Variants in RAD51B observed in about 807,000 individuals in gnomAD.
RAD51B encodes DNA repair protein RAD51 homolog 2.
RAD51B carries 38 observed loss-of-function variants against 42.2 expected under a neutral mutation model. That is an observed-to-expected ratio of 0.90 (90% confidence interval 0.70 to 1.18). The LOEUF is 1.18. RAD51B is among the 50% of genes most tolerant of loss of function. The probability of loss-of-function intolerance (pLI) is 0.00; values close to 1 mark genes in which losing one functional copy is unlikely to be tolerated. For synonymous variants in RAD51B, 154 were observed against 145.2 expected (o/e 1.06, Z -0.43); for missense variants, 373 against 400.7 (o/e 0.93, Z 0.59).
chr14:68,668,920 C>T (rs890418657), intron 11 of RAD51B, among the ~76,000 whole-genome samples: 5 of 152,290 alleles, frequency 3.3e-5, no homozygotes, highest in Middle Eastern at 3.4e-3. Flanking sequence ...TGGGTTTTCC[C>T]GAAAGACCTT....
chr14:68,214,992 G>A (rs2079784306), intron 7 of RAD51B, among the ~76,000 whole-genome samples: 1 of 152,170 alleles, frequency 6.6e-6, no homozygotes, highest in Non-Finnish European at 1.5e-5. Context: ...AGAAGCTGAA[G>A]AACAATTTGT....
chr14:68,659,447 G>A (rs751011902), intron 11 of RAD51B, among the ~76,000 whole-genome samples: 27 of 152,162 alleles, frequency 1.8e-4, no homozygotes, highest in Non-Finnish European at 3.5e-4. Context: ...ATATAAACAA[G>A]AAGCAAAGAA....
intron 7 of RAD51B, among the ~76,000 whole-genome samples, chr14:68,276,183 C>G (rs1023233880): frequency 3.9e-5 from 6 of 152,172 alleles, no homozygotes; most frequent in African/African-American, 1.4e-4. Context: ...CTGAAATACT[C>G]TGCAGATCCA....
chr14:67,958,304 C>T (rs2074591828), intron 7 of RAD51B, among the ~76,000 whole-genome samples: 1 of 152,176 alleles, frequency 6.6e-6, no homozygotes. Flanking sequence ...TTGATTGAAT[C>T]TTCTGATCAC....
chr14:67,848,975 T>G (rs1224343345), intron 4 of RAD51B, among the ~76,000 whole-genome samples: 2 of 152,232 alleles, frequency 1.3e-5, no homozygotes. Context: ...GGGTTCCTTC[T>G]GTCCATGCAT....
chr14:68,574,935 G>T (rs2140047398), intron 10 of RAD51B, among the ~76,000 whole-genome samples: 1 of 152,266 alleles, frequency 6.6e-6, no homozygotes, highest in South Asian at 2.1e-4. Flanking sequence ...AGAGGTTGGG[G>T]ATGAGCAGTC....
intron 7 of RAD51B, among the ~76,000 whole-genome samples, chr14:68,158,131 T>G (rs187844726): frequency 6.6e-6 from 1 of 152,228 alleles, no homozygotes. Context: ...TTTTTTCTTC[T>G]CCCATCCCAA....
chr14:68,257,725 A>C (rs1595616026), intron 7 of RAD51B, among the ~76,000 whole-genome samples: 1 of 152,166 alleles, frequency 6.6e-6, no homozygotes, highest in South Asian at 2.1e-4. Context: ...ATAAAACTCC[A>C]AAGTTTATTA....
chr14:68,370,511 T>C (rs2083231944), intron 8 of RAD51B, among the ~76,000 whole-genome samples: 1 of 152,166 alleles, frequency 6.6e-6, no homozygotes, highest in South Asian at 2.1e-4. Context: ...GGGATGGACA[T>C]GACTTGACTG....
chr14:68,154,019 A>G (rs1163576716), intron 7 of RAD51B, among the ~76,000 whole-genome samples: 1 of 152,136 alleles, frequency 6.6e-6, no homozygotes, highest in African/African-American at 2.4e-5. Context: ...TAACTATACA[A>G]AGCACCTTGT....
chr14:68,141,763 G>C (rs975277010), intron 7 of RAD51B, among the ~76,000 whole-genome samples: 21 of 152,242 alleles, frequency 1.4e-4, no homozygotes, highest in Admixed American at 3.3e-4. Flanking sequence ...CCTATGAAAT[G>C]AGTATGTTAG....
chr14:68,456,075 G>A (rs1246817802), intron 9 of RAD51B, among the ~76,000 whole-genome samples: 1 of 152,144 alleles, frequency 6.6e-6, no homozygotes, highest in Non-Finnish European at 1.5e-5. Flanking sequence ...AAAATGCATA[G>A]TGGAAGAAAC....
At chr14:67,926,792 A>C (rs558620222) in intron 7 of RAD51B, among the ~76,000 whole-genome samples, 1 of 151,762 alleles carries the variant, frequency 6.6e-6, no homozygotes. Flanking sequence ...TCGAACTCCC[A>C]ACTTTGTGAT....
At chr14:68,353,636 CAG>C (rs2082834888) in intron 8 of RAD51B, among the ~76,000 whole-genome samples, 1 of 152,108 alleles carries the variant, frequency 6.6e-6, no homozygotes, top group African/African-American at 2.4e-5. Flanking sequence ...GGGTCCACAG[CAG>C]AGAGGATAAA....
At chr14:68,488,654 T>A (rs188932055) in intron 10 of RAD51B, among the ~76,000 whole-genome samples, 4 of 152,368 alleles carry the variant, frequency 2.6e-5, no homozygotes, top group African/African-American at 9.6e-5. Flanking sequence ...TTCTTCTTAG[T>A]AATTTTTCAT....
intron 10 of RAD51B, among the ~76,000 whole-genome samples, chr14:68,493,817 ATG>A: frequency 6.6e-6 from 1 of 152,208 alleles, no homozygotes; most frequent in Non-Finnish European, 1.5e-5. Flanking sequence ...AAGGCAATTG[ATG>A]AACTATAGAT....
At chr14:68,610,593 C>G (rs1354336946) in intron 10 of RAD51B, among the ~76,000 whole-genome samples, 1 of 152,254 alleles carries the variant, frequency 6.6e-6, no homozygotes, top group Non-Finnish European at 1.5e-5. Context: ...CCTGTGCTCA[C>G]ACCATAGCCA....
At chr14:67,952,775 A>G (rs960202996) in intron 7 of RAD51B, among the ~76,000 whole-genome samples, 1 of 152,164 alleles carries the variant, frequency 6.6e-6, no homozygotes, top group African/African-American at 2.4e-5. Flanking sequence ...ATTAGTATCT[A>G]ATATTGTCAG....
At chr14:68,086,934 G>A (rs1374063134) in intron 7 of RAD51B, among the ~76,000 whole-genome samples, 1 of 151,962 alleles carries the variant, frequency 6.6e-6, no homozygotes, top group Non-Finnish European at 1.5e-5. Context: ...TCAGGAGTTC[G>A]AGACCAGCCT....
Sources: allele counts gnomAD v4.1 joint callset (sites outside exome capture counted in the v4.1 genomes callset), GRCh38; gene constraint gnomAD v4.1.1; transcripts MANE v1.5; gene names NCBI Gene and HGNC (gene_info 2026-07-23, HGNC 2026-07-21).